Variants in QSOX2 observed in about 807,000 individuals in gnomAD.
The protein encoded by QSOX2 is sulfhydryl oxidase 2.
In QSOX2, 46 loss-of-function variants were observed where a neutral mutation model predicts 61.7. The observed-to-expected ratio is 0.75, with a 90% confidence interval of 0.59 to 0.95. QSOX2 has a LOEUF of 0.95. Among genes scored for constraint, QSOX2 ranks in the 40% least tolerant of loss-of-function variants. QSOX2 has a pLI of 0.00. For missense variants in QSOX2, 879 were observed against 918.9 expected (o/e 0.96, Z 0.56); for synonymous variants, 383 against 388.4 (o/e 0.99, Z 0.16).
At chr9:136,228,770 C>CG (rs1337001223) in intron 1 of QSOX2, among the ~76,000 whole-genome samples, 1 of 152,228 alleles carries the variant, frequency 6.6e-6, no homozygotes, top group Admixed American at 6.5e-5. Flanking sequence ...GATTTCTGAA[C>CG]GGGAGGGAAC....
intron 1 of QSOX2, among the ~76,000 whole-genome samples, chr9:136,240,883 T>C (rs983946197): frequency 2.6e-5 from 4 of 152,186 alleles, no homozygotes; most frequent in Non-Finnish European, 4.4e-5. Context: ...TGTTTATCTG[T>C]TGGTAGGGAA....
At chr9:136,215,379 C>A in intron 9 of QSOX2, 75 bp from the exon 10 acceptor site, 1 of 1,384,744 alleles carries the variant, frequency 7.2e-7, no homozygotes, top group Non-Finnish European at 9.6e-7. Flanking sequence ...CGACAGCTGC[C>A]TTCTTGACTG....
intron 8 of QSOX2, 74 bp downstream of exon 8, chr9:136,218,605 T>G (rs945575933): frequency 5.0e-5 from 76 of 1,529,592 alleles, no homozygotes; most frequent in Admixed American, 1.9e-4. Context: ...CCCCGCAGTG[T>G]CCGACGCCCC....
Position 136,209,528 on chromosome 9 carries a change from C to T in QSOX2, c.1550-253G>A, listed in dbSNP as rs116216003. On this transcript the variant is annotated intron_variant, in intron 11 of 11. Coordinates refer to ENST00000358701, the MANE Select transcript of QSOX2 (RefSeq NM_181701.4). This position sits in a 1 kb window ranked among gnomAD's most constrained non-coding sequence, Gnocchi z 5.6. ...TTCCCATAGCCTGCAAGTGAGGAGA[C>T]GCTACACGCTCGGCCTCCGCCACTT... is the stretch of plus-strand genomic sequence containing the variant. The T allele has an allele frequency of 7.1e-4, 702 of 985,358 alleles. 4 individuals are homozygous for T. The African/African-American group carries it at 9.6e-3, about 13-fold the overall frequency. 61.0% of individuals were successfully genotyped at this position (985,358 alleles called of 1,614,324 possible).
In QSOX2 at chr9:136,245,702, C is replaced by G; in HGVS notation, c.102G>C (p.Pro34=). 1 of 1,160,126 alleles carries G rather than the reference C, an allele frequency of 8.6e-7. No individual in the cohort carries two copies. The highest frequency in any genetic ancestry group is 1.1e-6 in the Non-Finnish European group (1 of 943,480). The allele number at this position is 1,160,126 out of a possible 1,614,324, so 71.9% of individuals were successfully genotyped here. A position where few individuals can be genotyped will look rare whatever the true frequency, so the allele number is the denominator to read the frequency against. The part of the protein sequence containing the change: ...RSPPPRAARL[P]RLLVLLAAAA... Reference sequence around the variant, plus strand: ...CCGCCGCTAGCAGCACTAGCAGCCGCGGCAGCCGTGCGGCCCGCGGCGGGG... The same window carrying G: ...CCGCCGCTAGCAGCACTAGCAGCCGGGGCAGCCGTGCGGCCCGCGGCGGGG... The change falls in exon 1 of 12, where the codon CCG becomes CCC. Residue 34 remains proline (P), a synonymous_variant. Coordinates refer to ENST00000358701, the MANE Select transcript of QSOX2 (RefSeq NM_181701.4).
At chr9:136,232,648 G>A (rs1203331937) in intron 1 of QSOX2, among the ~76,000 whole-genome samples, 3 of 152,104 alleles carry the variant, frequency 2.0e-5, no homozygotes, top group Non-Finnish European at 2.9e-5. Flanking sequence ...AGGATACAGC[G>A]TAAGTCGGGG....
At chr9:136,214,688 G>A (rs1831887737) in intron 10 of QSOX2, among the ~76,000 whole-genome samples, 1 of 152,230 alleles carries the variant, frequency 6.6e-6, no homozygotes, top group Non-Finnish European at 1.5e-5. Context: ...TCCTGAAGAA[G>A]AGGACCCAGA....
intron 1 of QSOX2, among the ~76,000 whole-genome samples, chr9:136,236,669 C>T (rs1830384814): frequency 6.6e-6 from 1 of 152,232 alleles, no homozygotes; most frequent in African/African-American, 2.4e-5. Context: ...CATCTGAAGC[C>T]CGTCCTGTGC....
In QSOX2 at chr9:136,214,380, C is replaced by T. The variant is rs556895257; in HGVS notation, c.1360+774G>A. On this transcript the variant is annotated intron_variant, in intron 10 of 11. Coordinates refer to ENST00000358701, the MANE Select transcript of QSOX2 (RefSeq NM_181701.4). ...TCCTCCCCTTGCGAGTGGCCTGGGCCTGGGGACTGACTAGTAAGCAGAATC... is the reference window on the plus strand; with the variant it reads ...TCCTCCCCTTGCGAGTGGCCTGGGCTTGGGGACTGACTAGTAAGCAGAATC... Among the ~76,000 whole-genome samples the T allele has an allele frequency of 2.6e-5, 4 of 152,336 alleles. No homozygotes were observed. In the South Asian group the frequency reaches 8.3e-4, roughly 32 times the overall value.
intron 1 of QSOX2, among the ~76,000 whole-genome samples, chr9:136,233,120 T>A (rs1222047658): frequency 6.6e-6 from 1 of 151,858 alleles, no homozygotes; most frequent in East Asian, 1.9e-4. Context: ...CGCTGCCGGG[T>A]GTATCAGCAG....
intron 1 of QSOX2, among the ~76,000 whole-genome samples, chr9:136,235,122 G>A (rs1830369468): frequency 1.3e-5 from 2 of 152,184 alleles, no homozygotes; most frequent in Admixed American, 1.3e-4. Flanking sequence ...TTGAGAATTG[G>A]GGCAAGTAAC....
At chr9:136,213,153 G>A (rs1196721417) in intron 10 of QSOX2, among the ~76,000 whole-genome samples, 2 of 152,088 alleles carry the variant, frequency 1.3e-5, no homozygotes. Context: ...AAGGGGGATG[G>A]CATGTCAGCT....
intron 9 of QSOX2, among the ~76,000 whole-genome samples, chr9:136,215,883 A>G (rs1021794901): frequency 7.9e-5 from 12 of 152,220 alleles, no homozygotes; most frequent in African/African-American, 2.9e-4. Flanking sequence ...CACACGTCGC[A>G]GTCACGTGAG....
At chr9:136,230,140 G>A (rs557002905) in intron 1 of QSOX2, among the ~76,000 whole-genome samples, 1 of 152,186 alleles carries the variant, frequency 6.6e-6, no homozygotes, top group Non-Finnish European at 1.5e-5. Flanking sequence ...TTAGCCGGGC[G>A]TGGTGGTGCG....
chr9:136,222,371 G>A lies in QSOX2; in HGVS notation c.676-430C>T, dbSNP rs937307858. 1.3e-4 allele frequency among the ~76,000 whole-genome samples: 20 copies of A among 152,176 alleles called. No homozygotes were observed. The highest frequency in any genetic ancestry group is 4.8e-4 in the African/African-American group (20 of 41,436). On this transcript the variant is annotated intron_variant, in intron 5 of 11. Transcript: ENST00000358701. The surrounding 1 kb of genome is among the most constrained non-coding windows in gnomAD (Gnocchi z 6.9). ...GCTCCTCCCCAGCCACCCTGCTCCTGTCTGGTTCTGCTCAGGCTGAAGGGG... is the reference window on the plus strand; with the variant it reads ...GCTCCTCCCCAGCCACCCTGCTCCTATCTGGTTCTGCTCAGGCTGAAGGGG...
chr9:136,216,236 G>A (rs1167508708), intron 9 of QSOX2, among the ~76,000 whole-genome samples: 1 of 152,246 alleles, frequency 6.6e-6, no homozygotes. Flanking sequence ...CTGGCACCTG[G>A]TCTTGGGGAA....
chr9:136,230,422 A>C (rs914746130), intron 1 of QSOX2, among the ~76,000 whole-genome samples: 4 of 152,252 alleles, frequency 2.6e-5, no homozygotes, highest in African/African-American at 9.6e-5. Flanking sequence ...CCCAGGTGCC[A>C]AAGGGCTGAG....
chr9:136,221,794 A>G lies in QSOX2; in HGVS notation c.821+2T>C. On this transcript the variant is annotated splice_donor_variant, in intron 6 of 11. Transcript: ENST00000358701. LOFTEE classifies it high-confidence loss of function. The surrounding 1 kb of genome is among the most constrained non-coding windows in gnomAD (Gnocchi z 4.5). ...GTTCCCAGACCCCACCCGGGCACTC[A>G]CACGTTAATCAATCCATGCGACCCA... 6.3e-7 allele frequency: 1 copy of G among 1,594,644 alleles called. No homozygotes were observed. The highest frequency in any genetic ancestry group is 1.1e-5 in the South Asian group (1 of 88,176).
rs79849109 is a variant in QSOX2 at position 136,245,780 on chromosome 9, C to T, written c.24G>A (p.Val8=). Residue 8 remains valine, a synonymous_variant, in exon 1 of 12, where the codon GTG becomes GTA. Transcript: ENST00000358701. ...CCGCTCCGATTCCCGGGCTGCGCGC[C>T]ACCGCCGCCCCGGCCGCCGCCATGT... MAAAGAA[V]ARSPGIGAGP... is the part of the protein sequence containing the mutation. 0.63 allele frequency: 736,912 copies of T among 1,161,340 alleles called. 238,957 individuals carry two copies. The highest frequency in any genetic ancestry group is 0.68 in the South Asian group (16,445 of 24,178). 71.9% of individuals were successfully genotyped at this position (1,161,340 alleles called of 1,614,324 possible).
Sources: gnomAD v4.1 joint callset for allele counts (sites outside exome capture counted in the v4.1 genomes callset) on GRCh38, gnomAD v4.1.1 for gene constraint, Gnocchi (gnomAD v3.1) non-coding constraint, MANE v1.5 for transcripts, NCBI Gene and HGNC (gene_info 2026-07-23, HGNC 2026-07-21) for gene names.